The following LYPLAL1 variants were observed in gnomAD, a reference collection of about 807,000 sequenced individuals.
LYPLAL1 encodes lysophospholipase-like protein 1.
A neutral mutation model predicts 19.7 loss-of-function variants in LYPLAL1; 23 were observed. That is an observed-to-expected ratio of 1.17 (90% confidence interval 0.84 to 1.65). LYPLAL1 has a LOEUF of 1.65. LYPLAL1 is among the 40% of genes most tolerant of loss of function. The probability of loss-of-function intolerance (pLI) is 0.00; values close to 1 mark genes in which losing one functional copy is unlikely to be tolerated. For synonymous variants in LYPLAL1, 119 were observed against 96.3 expected (o/e 1.24, Z -1.38); for missense variants, 355 against 279.4 (o/e 1.27, Z -1.93).
chr1:219,355,895 A>G, the LYPLAL1 span, among the ~76,000 whole-genome samples: 1 of 152,208 alleles, frequency 6.6e-6, no homozygotes, highest in Non-Finnish European at 1.5e-5. Flanking sequence ...AAAGAAAATT[A>G]GAAAATATTT....
chr1:219,188,208 G>T (rs1656876176), intron 2 of LYPLAL1, among the ~76,000 whole-genome samples: 1 of 151,764 alleles, frequency 6.6e-6, no homozygotes, highest in African/African-American at 2.4e-5. Context: ...TGCTCTCAAT[G>T]AGCTCATGTA....
the LYPLAL1 span, among the ~76,000 whole-genome samples, chr1:219,340,486 T>A: frequency 2.4e-4 from 37 of 152,024 alleles, no homozygotes; most frequent in African/African-American, 8.5e-4. Flanking sequence ...GATGTGTGGG[T>A]GAGGGGAGGG....
At chr1:219,359,341 A>G in the LYPLAL1 span, among the ~76,000 whole-genome samples, 585 of 152,334 alleles carry the variant, frequency 3.8e-3, 2 homozygotes, top group African/African-American at 0.01. Context: ...TTCTTACATC[A>G]GGGATTTATC....
the LYPLAL1 span, among the ~76,000 whole-genome samples, chr1:219,251,029 C>A: frequency 6.6e-6 from 1 of 151,844 alleles, no homozygotes; most frequent in Non-Finnish European, 1.5e-5. Context: ...CTCATTATGG[C>A]TTTGATTTTC....
At chr1:219,372,471 C>T in the LYPLAL1 span, among the ~76,000 whole-genome samples, 3 of 152,214 alleles carry the variant, frequency 2.0e-5, no homozygotes, top group Middle Eastern at 3.4e-3. Context: ...CAGAAAGCCC[C>T]CTTTTTTGAC....
the LYPLAL1 span, among the ~76,000 whole-genome samples, chr1:219,433,434 T>C: frequency 1.5e-4 from 23 of 152,262 alleles, no homozygotes; most frequent in South Asian, 4.4e-3. Flanking sequence ...CCAAGCAGGG[T>C]AGAAATGTAC....
the LYPLAL1 span, among the ~76,000 whole-genome samples, chr1:219,349,794 A>C: frequency 1.3e-5 from 2 of 152,200 alleles, no homozygotes; most frequent in Non-Finnish European, 1.5e-5. Flanking sequence ...ATTTAGACTA[A>C]GAAAAACTTC....
intron 2 of LYPLAL1, among the ~76,000 whole-genome samples, chr1:219,182,442 T>C (rs1430817934): frequency 6.6e-6 from 1 of 152,092 alleles, no homozygotes; most frequent in Non-Finnish European, 1.5e-5. Flanking sequence ...CCATCTATTA[T>C]GGCAATGTTT....
At chr1:219,383,518 G>C in the LYPLAL1 span, among the ~76,000 whole-genome samples, 3 of 152,188 alleles carry the variant, frequency 2.0e-5, no homozygotes, top group African/African-American at 7.2e-5. Flanking sequence ...CCACATCTCT[G>C]ATGGAGCTCT....
intron 2 of LYPLAL1, among the ~76,000 whole-genome samples, chr1:219,182,883 A>T (rs1332704052): frequency 6.6e-6 from 1 of 152,024 alleles, no homozygotes. Flanking sequence ...CCTAGAATGT[A>T]TCTAATCTCT....
chr1:219,324,125 C>G, the LYPLAL1 span, among the ~76,000 whole-genome samples: 2 of 152,158 alleles, frequency 1.3e-5, no homozygotes, highest in African/African-American at 4.8e-5. Context: ...ATTCTTTACC[C>G]TACAAGAAAA....
chr1:219,437,514 C>G, the LYPLAL1 span, among the ~76,000 whole-genome samples: 1 of 152,050 alleles, frequency 6.6e-6, no homozygotes, highest in African/African-American at 2.4e-5. Context: ...CCTTCCCCTC[C>G]CTCCCTACAT....
chr1:219,290,195 T>C, the LYPLAL1 span, among the ~76,000 whole-genome samples: 3 of 152,208 alleles, frequency 2.0e-5, no homozygotes, highest in Non-Finnish European at 4.4e-5. Context: ...ATGGACATGA[T>C]TGTGGCTCTA....
chr1:219,224,834 G>A, the LYPLAL1 span, among the ~76,000 whole-genome samples: 1 of 152,106 alleles, frequency 6.6e-6, no homozygotes, highest in African/African-American at 2.4e-5. Context: ...ATGTATTTAG[G>A]AGTTTTTGGA....
At chr1:219,346,110 C>A in the LYPLAL1 span, among the ~76,000 whole-genome samples, 1 of 152,160 alleles carries the variant, frequency 6.6e-6, no homozygotes, top group Non-Finnish European at 1.5e-5. Flanking sequence ...GAAAGCCAGT[C>A]ACTGAGACTA....
intron 2 of LYPLAL1, among the ~76,000 whole-genome samples, chr1:219,192,041 T>C (rs1657226355): frequency 6.6e-6 from 1 of 151,340 alleles, no homozygotes; most frequent in South Asian, 2.1e-4. Context: ...TATTTTGGGG[T>C]GGTATGATCA....
the LYPLAL1 span, among the ~76,000 whole-genome samples, chr1:219,418,686 T>G: frequency 6.6e-6 from 1 of 152,190 alleles, no homozygotes; most frequent in Admixed American, 6.5e-5. Flanking sequence ...CATTCACTCT[T>G]GGTGTTGTAC....
the LYPLAL1 span, among the ~76,000 whole-genome samples, chr1:219,219,873 G>A: frequency 6.6e-6 from 1 of 152,100 alleles, no homozygotes; most frequent in East Asian, 1.9e-4. Context: ...GGTATGGCAG[G>A]CCTAGCAGTC....
chr1:219,203,814 C>T (rs183023642), intron 3 of LYPLAL1, among the ~76,000 whole-genome samples: 61 of 151,812 alleles, frequency 4.0e-4, no homozygotes, highest in African/African-American at 1.5e-3. Context: ...GTGTGAAGGT[C>T]AGAAAAACAG....
Sources: gnomAD v4.1 joint callset for allele counts (sites outside exome capture counted in the v4.1 genomes callset) on GRCh38, gnomAD v4.1.1 for gene constraint, MANE v1.5 for transcripts, NCBI Gene and HGNC (gene_info 2026-07-23, HGNC 2026-07-21) for gene names.